Variants in CPNE5 observed in about 807,000 individuals in gnomAD.
The protein encoded by CPNE5 is copine 5.
CPNE5 carries 42 observed loss-of-function variants against 81.1 expected under a neutral mutation model. The ratio of observed to expected loss-of-function variants is 0.52; its 90% confidence interval spans 0.40 to 0.67. CPNE5 has a LOEUF of 0.67. CPNE5 is among the 30% of genes least tolerant of loss of function. The probability of loss-of-function intolerance (pLI) is 0.00; values close to 1 mark genes in which losing one functional copy is unlikely to be tolerated. For missense variants in CPNE5, 612 were observed against 815.5 expected, an observed-to-expected ratio of 0.75 and a Z score of 3.04; for synonymous variants, 313 against 321.5, an observed-to-expected ratio of 0.97 and a Z score of 0.28.
chr6:36,798,521 A>C (rs764459713), intron 4 of CPNE5, 27 bp from the exon 5 acceptor site: 2 of 1,612,588 alleles, frequency 1.2e-6, no homozygotes, highest in Non-Finnish European at 1.7e-6. Context: ...GAAACGATGA[A>C]GGCAGCTGCG....
chr6:36,820,637 TGACAAACAAGG>T (rs1561819318), intron 3 of CPNE5, among the ~76,000 whole-genome samples: 92 of 152,126 alleles, frequency 6.0e-4, no homozygotes, highest in African/African-American at 2.0e-3. Flanking sequence ...AGCTGACACA[TGACAAACAAGG>T]TAAATAAGTA....
At position 36,827,340 on chromosome 6, in the gene CPNE5, C is replaced by T. The variant is rs1359245741; in HGVS notation, c.96-4242G>A. 5.1e-5 allele frequency: 50 copies of T among 985,370 alleles called. 1 individual carries two copies. In the South Asian group the frequency reaches 6.6e-4, roughly 13 times the overall value. 61.0% of individuals were successfully genotyped at this position (985,370 alleles called of 1,614,324 possible). A position where few individuals can be genotyped will look rare whatever the true frequency, so the allele number is the denominator to read the frequency against. ...CTAAACCTCCTACCTTGGCTTTGGA[C>T]GGGTGGCTTCACCCCGTGAACAATG... On this transcript the variant is annotated intron_variant, in intron 1 of 20. Transcript: ENST00000244751.
intron 13 of CPNE5, chr6:36,755,783 A>T: frequency 6.1e-6 from 1 of 164,100 alleles, no homozygotes; most frequent in Non-Finnish European, 1.3e-5. Context: ...CTGGAGTGAG[A>T]TGTCATGTTG....
At chr6:36,798,424 G>A (rs1384798596) in intron 5 of CPNE5, 31 bp downstream of exon 5, 1 of 1,608,968 alleles carries the variant, frequency 6.2e-7, no homozygotes, top group Non-Finnish European at 8.5e-7. Flanking sequence ...AGAAACTATG[G>A]AATTGCTGAG....
chr6:36,775,562 T>G (rs942777807), intron 9 of CPNE5, among the ~76,000 whole-genome samples: 12 of 152,192 alleles, frequency 7.9e-5, no homozygotes, highest in East Asian at 1.9e-4. Flanking sequence ...GCCTGGAATA[T>G]TCTCTCCTCC....
At chr6:36,774,886 T>G in intron 10 of CPNE5, 75 bp downstream of exon 10, 1 of 1,143,068 alleles carries the variant, frequency 8.7e-7, no homozygotes, top group East Asian at 2.4e-5. Flanking sequence ...TCAATATGAA[T>G]GGGGCCACCC....
At chr6:36,826,662 A>C (rs1239931346) in intron 1 of CPNE5, among the ~76,000 whole-genome samples, 1 of 152,178 alleles carries the variant, frequency 6.6e-6, no homozygotes, top group African/African-American at 2.4e-5. Flanking sequence ...CTAGCACCTG[A>C]GTCAGAGTAG....
chr6:36,744,991 T>C, intron 18 of CPNE5, 57 bp downstream of exon 18: 1 of 1,230,542 alleles, frequency 8.1e-7, no homozygotes, highest in Non-Finnish European at 1.2e-6. Context: ...AGGGTTCCCC[T>C]AACGGGGAGG....
chr6:36,784,923 C>T (rs1768388247), intron 8 of CPNE5, among the ~76,000 whole-genome samples: 2 of 143,986 alleles, frequency 1.4e-5, no homozygotes, highest in Non-Finnish European at 1.5e-5. Context: ...TGGACAACTC[C>T]ATCTCAAAAA....
At position 36,766,928 on chromosome 6, in the gene CPNE5, T is replaced by G. The variant is rs1050218587; in HGVS notation, c.738-1552A>C. Among the ~76,000 whole-genome samples the G allele has an allele frequency of 4.6e-5, 7 of 152,204 alleles. No individual in the cohort carries two copies. The East Asian group carries it at 1.3e-3, about 29-fold the overall frequency. On this transcript the variant is annotated intron_variant, in intron 10 of 20. Transcript: ENST00000244751. This position sits in a 1 kb window ranked among gnomAD's most constrained non-coding sequence, Gnocchi z 4.2. ...TGGAGTGCAATGGCGTGATCTCGGC[T>G]CATTGCAACCTCCGCCTCCGGATTC...
At chr6:36,815,398 T>C (rs750734961) in intron 3 of CPNE5, among the ~76,000 whole-genome samples, 1 of 152,148 alleles carries the variant, frequency 6.6e-6, no homozygotes, top group Non-Finnish European at 1.5e-5. Flanking sequence ...AATTCTTATT[T>C]CATTGTGATG....
intron 3 of CPNE5, among the ~76,000 whole-genome samples, chr6:36,819,913 C>T (rs1488614518): frequency 6.6e-6 from 1 of 152,206 alleles, no homozygotes; most frequent in African/African-American, 2.4e-5. Context: ...ATTCTGGTGC[C>T]TCTTCTGATC....
chr6:36,792,396 C>T, intron 7 of CPNE5: 6 of 1,449,952 alleles, frequency 4.1e-6, no homozygotes, highest in Non-Finnish European at 5.5e-6. Flanking sequence ...CCAGACTCAC[C>T]CGGAGGCTTC....
At chr6:36,839,488 G>A (rs935701603), upstream of CPNE5, 11 of 884,704 alleles carry the variant, frequency 1.2e-5, no homozygotes, top group Non-Finnish European at 1.8e-5. This position sits in a 1 kb window ranked among gnomAD's most constrained non-coding sequence, Gnocchi z 7.3. Context: ...GGGCTGGGCG[G>A]CAAGGGGAGG....
intron 1 of CPNE5, among the ~76,000 whole-genome samples, chr6:36,828,301 A>C (rs1405187486): frequency 1.4e-5 from 2 of 140,232 alleles, no homozygotes; most frequent in Non-Finnish European, 3.0e-5. Flanking sequence ...AAACAACAAC[A>C]ACAAACCAAA....
intron 6 of CPNE5, among the ~76,000 whole-genome samples, chr6:36,796,859 G>A (rs1769627091): frequency 6.6e-6 from 1 of 152,090 alleles, no homozygotes; most frequent in African/African-American, 2.4e-5. Context: ...GTTACTGGGG[G>A]TCACGGGCAA....
intron 8 of CPNE5, among the ~76,000 whole-genome samples, chr6:36,790,803 A>G (rs969243970): frequency 6.6e-5 from 10 of 152,184 alleles, no homozygotes; most frequent in African/African-American, 9.7e-5. Context: ...TCGGCCTCCC[A>G]AAGTGCTGGG....
intron 8 of CPNE5, among the ~76,000 whole-genome samples, 189 bp downstream of exon 8, chr6:36,791,844 G>C (rs1304563189): frequency 3.9e-5 from 6 of 152,088 alleles, no homozygotes; most frequent in African/African-American, 1.4e-4. Context: ...TCCTCTCCGG[G>C]CCTCAGTCTG....
chr6:36,776,921 C>T (rs1767557809), intron 9 of CPNE5, among the ~76,000 whole-genome samples: 1 of 152,228 alleles, frequency 6.6e-6, no homozygotes, highest in African/African-American at 2.4e-5. Context: ...CCTGTTCTCA[C>T]CAGCGCAGCC....
Sources: allele counts gnomAD v4.1 joint callset (sites outside exome capture counted in the v4.1 genomes callset), GRCh38; gene constraint gnomAD v4.1.1; non-coding constraint Gnocchi (gnomAD v3.1); transcripts MANE v1.5; gene names NCBI Gene and HGNC (gene_info 2026-07-23, HGNC 2026-07-21).